Variants in RBFOX1 observed in about 807,000 individuals in gnomAD.
The protein encoded by RBFOX1 is RNA binding protein fox-1 homolog 1.
Under a neutral mutation model 57.7 loss-of-function variants are expected in RBFOX1, and 8 were observed. That is an observed-to-expected ratio of 0.14 (90% CI 0.08 to 0.25). The LOEUF is 0.25. RBFOX1 is among the 10% of genes least tolerant of loss of function. The pLI is 1.00. For synonymous variants in RBFOX1, 326 were observed against 222.4 expected, an observed-to-expected ratio of 1.47 and a Z score of -4.15; for missense variants, 611 against 548.5, an observed-to-expected ratio of 1.11 and a Z score of -1.14.
intron 3 of RBFOX1, among the ~76,000 whole-genome samples, chr16:5,611,637 G>A (rs2047790068): frequency 6.6e-6 from 1 of 151,792 alleles, no homozygotes; most frequent in Admixed American, 6.6e-5. Context: ...TGTTCATCCA[G>A]CCACTCTCCT....
intron 4 of RBFOX1, among the ~76,000 whole-genome samples, chr16:7,416,552 A>T (rs6500961): frequency 6.6e-6 from 1 of 152,006 alleles, no homozygotes; most frequent in African/African-American, 2.4e-5. Context: ...GATCGGGGCT[A>T]ATGTAAAAGT....
intron 4 of RBFOX1, among the ~76,000 whole-genome samples, chr16:5,875,527 A>G (rs2057583960): frequency 6.6e-6 from 1 of 152,236 alleles, no homozygotes; most frequent in Admixed American, 6.5e-5. Context: ...AGCTTACAGA[A>G]GGCAATAAGC....
At chr16:6,988,738 T>TTTTTTTTTTTTTG (rs1555723575) in intron 3 of RBFOX1, among the ~76,000 whole-genome samples, 3 of 68,266 alleles carry the variant, frequency 4.4e-5, no homozygotes, top group African/African-American at 2.4e-4. Context: ...CTAATTTTTT[T>TTTTTTTTTTTTTG]TTTTGTTTGT....
intron 3 of RBFOX1, among the ~76,000 whole-genome samples, chr16:6,756,746 G>A: frequency 6.6e-6 from 1 of 151,968 alleles, no homozygotes; most frequent in Non-Finnish European, 1.5e-5. Context: ...CTGAGGCAGG[G>A]GGGTCATGTG....
At chr16:6,545,029 G>C (rs564544941) in intron 2 of RBFOX1, among the ~76,000 whole-genome samples, 1 of 152,158 alleles carries the variant, frequency 6.6e-6, no homozygotes, top group African/African-American at 2.4e-5. Flanking sequence ...ATCTGTCAGG[G>C]AAGTGGCAGA....
intron 6 of RBFOX1, 151 bp from the exon 7 acceptor site, chr16:7,587,096 C>G (rs1272283111): frequency 1.9e-6 from 2 of 1,031,932 alleles, no homozygotes; most frequent in East Asian, 6.6e-5. Context: ...TTTATTTTCT[C>G]TTGTTTCAAG....
intron 3 of RBFOX1, among the ~76,000 whole-genome samples, chr16:7,004,989 C>T (rs548790760): frequency 3.9e-5 from 6 of 152,050 alleles, no homozygotes; most frequent in Non-Finnish European, 8.8e-5. Context: ...ACCAAAAATA[C>T]AAAAATTAGC....
intron 3 of RBFOX1, among the ~76,000 whole-genome samples, chr16:5,815,785 C>T (rs1261981675): frequency 1.3e-5 from 2 of 152,186 alleles, no homozygotes; most frequent in African/African-American, 4.8e-5. Context: ...TATCCCTTCT[C>T]AGGAAACAGT....
In RBFOX1 at chr16:7,518,206, G is replaced by T. The variant is rs760565499; in HGVS notation, c.87G>T (p.Gln29His). The part of the protein sequence containing the change: ...DTMAQPYASA[Q>H]FAPPQNGIPA... Reference sequence around the variant, plus strand: ...TGGCTCAGCCTTACGCTTCGGCCCAGTTTGCTCCCCCGCAGAACGGTATCC... The same window carrying T: ...TGGCTCAGCCTTACGCTTCGGCCCATTTTGCTCCCCCGCAGAACGGTATCC... The change falls in exon 5 of 16, where the codon CAG (glutamine) becomes CAT (histidine). Residue 29 changes from glutamine (Q) to histidine (H), a missense_variant. By Grantham distance (24) the Gln-to-His change is conservative. Coordinates refer to ENST00000550418, the MANE Select transcript of RBFOX1 (RefSeq NM_018723.4). The T allele has an allele frequency of 6.2e-7, 1 of 1,613,938 alleles. No individual in the cohort carries two copies. Among genetic ancestry groups the T allele is most frequent in the African/African-American group, 1.3e-5 (1 of 74,882 alleles).
At chr16:7,063,245 G>C (rs2055036993) in intron 4 of RBFOX1, among the ~76,000 whole-genome samples, 1 of 152,116 alleles carries the variant, frequency 6.6e-6, no homozygotes. Context: ...AGAGAGGTCT[G>C]TGCTTCAGGG....
At chr16:6,030,733 A>G (rs569939915) in intron 1 of RBFOX1, among the ~76,000 whole-genome samples, 11 of 152,300 alleles carry the variant, frequency 7.2e-5, no homozygotes, top group African/African-American at 1.4e-4. Flanking sequence ...GAGAAATGCA[A>G]TTTTGAGTCC....
At chr16:6,250,806 G>T (rs570781825) in intron 1 of RBFOX1, among the ~76,000 whole-genome samples, 1 of 152,242 alleles carries the variant, frequency 6.6e-6, no homozygotes, top group South Asian at 2.1e-4. Context: ...TCCCCCAAAT[G>T]GCAGACATAG....
At chr16:5,900,767 G>T (rs1441926710) in intron 4 of RBFOX1, among the ~76,000 whole-genome samples, 2 of 152,178 alleles carry the variant, frequency 1.3e-5, no homozygotes, top group African/African-American at 2.4e-5. Flanking sequence ...TGCCAGGAAT[G>T]TCAAATTAGC....
chr16:5,659,213 A>G (rs191317964), intron 3 of RBFOX1, among the ~76,000 whole-genome samples: 1 of 151,790 alleles, frequency 6.6e-6, no homozygotes, highest in Non-Finnish European at 1.5e-5. Context: ...TGCAGGCATA[A>G]GGTGGTATTC....
intron 2 of RBFOX1, among the ~76,000 whole-genome samples, chr16:6,384,060 CT>C (rs5815305): frequency 0.41 from 51,376 of 126,398 alleles, 9,300 homozygotes; most frequent in South Asian, 0.59. Flanking sequence ...ATTGGTTTTG[CT>C]TTTTTTTTTT....
intron 3 of RBFOX1, among the ~76,000 whole-genome samples, chr16:7,039,444 C>T (rs1194848525): frequency 2.6e-5 from 4 of 152,084 alleles, no homozygotes; most frequent in African/African-American, 7.2e-5. Flanking sequence ...GTATTTTGTT[C>T]GTTTATGCAA....
chr16:7,111,290 C>G (rs2064714593), intron 4 of RBFOX1, among the ~76,000 whole-genome samples: 1 of 152,130 alleles, frequency 6.6e-6, no homozygotes, highest in Admixed American at 6.5e-5. Flanking sequence ...GCTTTTCTTC[C>G]TAGCTAATCA....
At chr16:6,302,906 T>C (rs552174327) in intron 1 of RBFOX1, among the ~76,000 whole-genome samples, 46 of 152,324 alleles carry the variant, frequency 3.0e-4, no homozygotes, top group African/African-American at 1.1e-3. Context: ...AGTGAATGCA[T>C]CTTTGAAAAG....
chr16:5,827,434 C>G (rs1393939512), intron 3 of RBFOX1, among the ~76,000 whole-genome samples: 1 of 148,852 alleles, frequency 6.7e-6, no homozygotes, highest in Non-Finnish European at 1.5e-5. Context: ...AAAGAAAAAG[C>G]TGCATTGAAC....
Sources: gnomAD v4.1 joint callset for allele counts (sites outside exome capture counted in the v4.1 genomes callset) on GRCh38, gnomAD v4.1.1 for gene constraint, MANE v1.5 for transcripts, NCBI Gene and HGNC (gene_info 2026-07-23, HGNC 2026-07-21) for gene names.